SLC67A1: variants seen among roughly 807,000 people sequenced by gnomAD.
The protein encoded by SLC67A1 is solute carrier family 67 member A1.
the SLC67A1 span, among the ~76,000 whole-genome samples, chr11:2,900,403 G>A: frequency 6.6e-6 from 1 of 151,980 alleles, no homozygotes; most frequent in Non-Finnish European, 1.5e-5. Context: ...AAAGATATGG[G>A]GGAAACAGGC....
the SLC67A1 span, chr11:2,919,740 T>A: frequency 3.0e-6 from 1 of 338,598 alleles, no homozygotes; most frequent in Non-Finnish European, 5.4e-6. Context: ...CCTTGCAGGG[T>A]CCTTGGCAGA....
chr11:2,919,074 T>G, the SLC67A1 span: 1 of 550,866 alleles, frequency 1.8e-6, no homozygotes, highest in Non-Finnish European at 3.3e-6. Flanking sequence ...AGCACCTTCC[T>G]GCTCACAGTC....
the SLC67A1 span, chr11:2,916,749 C>T: frequency 5.2e-5 from 83 of 1,608,332 alleles, no homozygotes; most frequent in Non-Finnish European, 6.1e-5. Flanking sequence ...AGGTAAGCCC[C>T]GCCAGGTACA....
chr11:2,919,271 G>A, the SLC67A1 span: 2 of 1,498,936 alleles, frequency 1.3e-6, no homozygotes, highest in Non-Finnish European at 1.9e-6. Flanking sequence ...GTCGGGGTGT[G>A]GGGGTACTCA....
the SLC67A1 span, chr11:2,915,292 T>TGC: frequency 3.2e-6 from 3 of 938,080 alleles, no homozygotes; most frequent in East Asian, 1.4e-4. Context: ...TGTGTGTGTG[T>TGC]GTGTGCGCAT....
At chr11:2,918,152 G>A in the SLC67A1 span, 1 of 1,386,936 alleles carries the variant, frequency 7.2e-7, no homozygotes, top group South Asian at 1.2e-5. Context: ...CCCAGCTGCG[G>A]CCAGGGCCCG....
the SLC67A1 span, chr11:2,915,093 G>C: frequency 1.0e-6 from 1 of 985,400 alleles, no homozygotes; most frequent in Non-Finnish European, 1.2e-6. Flanking sequence ...GCACAGGTGG[G>C]GTGGATATGC....
the SLC67A1 span, chr11:2,909,637 C>A: frequency 6.5e-7 from 1 of 1,534,680 alleles, no homozygotes; most frequent in Non-Finnish European, 8.7e-7. Context: ...GGCCCTGGGC[C>A]GGCTGGGCCT....
At chr11:2,914,613 T>A in the SLC67A1 span, 7 of 736,326 alleles carry the variant, frequency 9.5e-6, no homozygotes, top group South Asian at 4.3e-4. Flanking sequence ...CAGGCTTTCC[T>A]GTTGCCCACA....
At chr11:2,909,633 G>A in the SLC67A1 span, 1 of 1,534,328 alleles carries the variant, frequency 6.5e-7, no homozygotes, top group Non-Finnish European at 8.7e-7. Flanking sequence ...CCGCGGCCCT[G>A]GGCCGGCTGG....
At chr11:2,902,566 C>T in the SLC67A1 span, 2 of 985,424 alleles carry the variant, frequency 2.0e-6, no homozygotes, top group South Asian at 4.7e-5. Context: ...CCCTACCCCA[C>T]CAGCCTGGGT....
the SLC67A1 span, chr11:2,916,306 G>A: frequency 2.9e-6 from 1 of 342,928 alleles, no homozygotes; most frequent in South Asian, 5.9e-5. Flanking sequence ...GGGAGCTGCT[G>A]TTCCTGGGAG....
chr11:2,917,558 G>C, the SLC67A1 span, among the ~76,000 whole-genome samples: 2 of 152,248 alleles, frequency 1.3e-5, no homozygotes, highest in Non-Finnish European at 2.9e-5. Flanking sequence ...TGGCCACAGA[G>C]AGTGGTACAG....
At chr11:2,919,059 C>G in the SLC67A1 span, 182 of 529,538 alleles carry the variant, frequency 3.4e-4, no homozygotes, top group Non-Finnish European at 5.4e-4. Flanking sequence ...GGGTCCCTCC[C>G]TTCCAGCACC....
chr11:2,906,861 T>C, the SLC67A1 span, among the ~76,000 whole-genome samples: 1 of 142,006 alleles, frequency 7.0e-6, no homozygotes. Context: ...ACTTAAAGTA[T>C]AATAAAAAAA....
the SLC67A1 span, chr11:2,925,239 C>T: frequency 3.2e-6 from 5 of 1,570,392 alleles, no homozygotes; most frequent in Middle Eastern, 1.7e-4. The surrounding 1 kb of genome is among the most constrained non-coding windows in gnomAD (Gnocchi z 6.5). Flanking sequence ...CCTACTAAAT[C>T]CCTCCGACCT....
At chr11:2,920,190 C>T in the SLC67A1 span, 1 of 152,340 alleles carries the variant, frequency 6.6e-6, no homozygotes, top group South Asian at 2.1e-4. Flanking sequence ...GCTCTTCAGC[C>T]TCTGGGCCCA....
At chr11:2,922,686 A>AGG in the SLC67A1 span, 3 of 105,120 alleles carry the variant, frequency 2.9e-5, no homozygotes, top group African/African-American at 1.5e-4. Context: ...GTGTGGGTTG[A>AGG]GTGGAGTGGG....
chr11:2,899,795 A>G, the SLC67A1 span: 1 of 1,348,512 alleles, frequency 7.4e-7, no homozygotes, highest in African/African-American at 1.5e-5. Flanking sequence ...CTTCACCTGG[A>G]GGAAGACAGT....
Sources: allele counts gnomAD v4.1 joint callset (sites outside exome capture counted in the v4.1 genomes callset), GRCh38; gene constraint gnomAD v4.1.1; non-coding constraint Gnocchi (gnomAD v3.1); transcripts MANE v1.5; gene names NCBI Gene and HGNC (gene_info 2026-07-23, HGNC 2026-07-21).